Variants in ASZ1 observed in about 807,000 individuals in gnomAD.
The protein encoded by ASZ1 is ankyrin repeat, SAM and basic leucine zipper domain-containing protein 1.
A neutral mutation model predicts 61.8 loss-of-function variants in ASZ1; 67 were observed. That is an observed-to-expected ratio of 1.08 (90% CI 0.89 to 1.33). The LOEUF is 1.33. Ranked by LOEUF, ASZ1 falls within the 40% of genes most tolerant of loss-of-function variation. The pLI is 0.00. For synonymous variants in ASZ1, 193 were observed against 192.7 expected, an observed-to-expected ratio of 1.00 and a Z score of -0.01; for missense variants, 577 against 554.5, an observed-to-expected ratio of 1.04 and a Z score of -0.41.
chr7:117,387,736 C>G lies in ASZ1; in HGVS notation c.441-1927G>C, dbSNP rs183349986. Among the ~76,000 whole-genome samples, 4 of 152,190 alleles carry G rather than the reference C, an allele frequency of 2.6e-5. No homozygotes were observed. In the East Asian group the frequency reaches 7.7e-4, roughly 29 times the overall value. On this transcript the variant is annotated intron_variant, in intron 4 of 12. Transcript: ENST00000284629. ...GCCATAGTCTCATAACTGCTCTCCTCCATGCTTCCATTCTTGGCCACTTAC... is the reference window on the plus strand; with the variant it reads ...GCCATAGTCTCATAACTGCTCTCCTGCATGCTTCCATTCTTGGCCACTTAC...
At chr7:117,368,522 A>G in intron 11 of ASZ1, 90 bp downstream of exon 11, 1 of 1,514,844 alleles carries the variant, frequency 6.6e-7, no homozygotes, top group Non-Finnish European at 8.8e-7. Flanking sequence ...ATTTCAGCAA[A>G]TCAATACTAT....
intron 4 of ASZ1, among the ~76,000 whole-genome samples, chr7:117,408,309 G>A (rs760675014): frequency 6.6e-6 from 1 of 152,082 alleles, no homozygotes; most frequent in Non-Finnish European, 1.5e-5. Flanking sequence ...GGAACCAGTG[G>A]TTAAGACCAA....
At chr7:117,407,168 A>G (rs527430449) in intron 4 of ASZ1, among the ~76,000 whole-genome samples, 1 of 152,266 alleles carries the variant, frequency 6.6e-6, no homozygotes, top group Non-Finnish European at 1.5e-5. Context: ...TACTTTAAAT[A>G]AAAGCACACA....
chr7:117,370,427 T>G (rs769095241), intron 10 of ASZ1, among the ~76,000 whole-genome samples: 4 of 152,026 alleles, frequency 2.6e-5, no homozygotes, highest in African/African-American at 9.7e-5. Context: ...ATGAAAGGGA[T>G]GGATTCAAAG....
chr7:117,382,462 G>T (rs546030258), intron 7 of ASZ1, among the ~76,000 whole-genome samples: 1 of 152,068 alleles, frequency 6.6e-6, no homozygotes, highest in African/African-American at 2.4e-5. Context: ...GGAGGCTGTG[G>T]CGGGAGAACT....
chr7:117,412,175 A>C (rs1337314467), intron 4 of ASZ1, among the ~76,000 whole-genome samples: 1 of 151,484 alleles, frequency 6.6e-6, no homozygotes, highest in East Asian at 1.9e-4. Flanking sequence ...TGGGGCAGAG[A>C]ATTTAAGGAA....
In ASZ1 at chr7:117,368,524, C is replaced by A. The variant is rs975581971; in HGVS notation, c.1161+88G>T. On this transcript the variant is annotated intron_variant, in intron 11 of 12. Coordinates refer to ENST00000284629, the MANE Select transcript of ASZ1 (RefSeq NM_130768.3). ...AACAAACGATGTAATTTCAGCAAAT[C>A]AATACTATTTATTGAATTATCATGA... is the stretch of plus-strand genomic sequence containing the variant. 3.0e-5 allele frequency: 46 copies of A among 1,515,860 alleles called. No individual in the cohort carries two copies. The African/African-American group carries it at 6.2e-4, about 20-fold the overall frequency. The allele number at this position is 1,515,860 out of a possible 1,614,324, so 93.9% of individuals were successfully genotyped here.
intron 10 of ASZ1, among the ~76,000 whole-genome samples, chr7:117,373,649 G>A (rs1442585187): frequency 6.6e-6 from 1 of 152,090 alleles, no homozygotes; most frequent in Non-Finnish European, 1.5e-5. Flanking sequence ...TTCCATAACA[G>A]CATGTAAACA....
At chr7:117,368,558 G>A in intron 11 of ASZ1, 54 bp downstream of exon 11, 1 of 1,580,988 alleles carries the variant, frequency 6.3e-7, no homozygotes, top group African/African-American at 1.4e-5. Flanking sequence ...GAACTTATCT[G>A]GAATGTTCTT....
At chr7:117,422,419 C>T in intron 2 of ASZ1, 60 bp from the exon 3 acceptor site, 1 of 1,564,646 alleles carries the variant, frequency 6.4e-7, no homozygotes. Flanking sequence ...AAATCAGTCA[C>T]CTTATATGCT....
chr7:117,391,159 T>C (rs2116484297), intron 4 of ASZ1, among the ~76,000 whole-genome samples: 1 of 152,204 alleles, frequency 6.6e-6, no homozygotes, highest in East Asian at 1.9e-4. Context: ...TTATGTCCTT[T>C]GCCTACTTTT....
rs1313063167 is a variant in ASZ1 at position 117,416,090 on chromosome 7, G to A, written c.440+4073C>T. Among the ~76,000 whole-genome samples, 5 of 152,176 alleles carry A rather than the reference G, an allele frequency of 3.3e-5. No homozygotes were observed. The East Asian group carries it at 9.6e-4, about 29-fold the overall frequency. On this transcript the variant is annotated intron_variant, in intron 4 of 12. Coordinates refer to ENST00000284629, the MANE Select transcript of ASZ1 (RefSeq NM_130768.3). ...TGTAGGCCTAGCTACTTGGGAGGCTGAGGCAAGAATCACCTGAACCCGGCA... is the reference window on the plus strand; with the variant it reads ...TGTAGGCCTAGCTACTTGGGAGGCTAAGGCAAGAATCACCTGAACCCGGCA...
intron 10 of ASZ1, among the ~76,000 whole-genome samples, chr7:117,375,063 G>T (rs2116456471): frequency 6.6e-6 from 1 of 152,044 alleles, no homozygotes; most frequent in South Asian, 2.1e-4. Context: ...AAAGAAAAAA[G>T]AATTTCATAG....
At chr7:117,373,501 A>C (rs1796085567) in intron 10 of ASZ1, among the ~76,000 whole-genome samples, 1 of 152,342 alleles carries the variant, frequency 6.6e-6, no homozygotes, top group East Asian at 1.9e-4. Flanking sequence ...CTTCAAATAA[A>C]TCAGTAAATT....
At chr7:117,369,135 TG>T (rs1401932186) in intron 10 of ASZ1, among the ~76,000 whole-genome samples, 1 of 152,196 alleles carries the variant, frequency 6.6e-6, no homozygotes, top group Admixed American at 6.6e-5. Context: ...TCAGGGGGAA[TG>T]AATTTAGTAT....
Position 117,363,457 on chromosome 7 carries a change from A to T in ASZ1, c.*139T>A, listed in dbSNP as rs553776622. On this transcript the variant is annotated 3_prime_UTR_variant, in exon 13 of 13. Coordinates refer to ENST00000284629, the MANE Select transcript of ASZ1 (RefSeq NM_130768.3). Reference sequence around the variant, plus strand: ...AAGTAACAAACCACTTTTTAAAAAAAAACTCCACATTGTCAAAATTTTTCC... The same window carrying T: ...AAGTAACAAACCACTTTTTAAAAAATAACTCCACATTGTCAAAATTTTTCC... The T allele has an allele frequency of 1.5e-6, 1 of 666,732 alleles. No homozygotes were observed. The highest frequency in any genetic ancestry group is 6.0e-5 in the South Asian group (1 of 16,614). The allele number at this position is 666,732 out of a possible 1,614,324, so 41.3% of individuals were successfully genotyped here.
At chr7:117,379,168 T>TACAC (rs58457982) in intron 10 of ASZ1, among the ~76,000 whole-genome samples, 2,974 of 68,900 alleles carry the variant, frequency 0.043, 63 homozygotes, top group African/African-American at 0.075. Flanking sequence ...TATATATATA[T>TACAC]ACACACACAC....
At chr7:117,407,646 G>T (rs942993897) in intron 4 of ASZ1, among the ~76,000 whole-genome samples, 1 of 152,142 alleles carries the variant, frequency 6.6e-6, no homozygotes, top group Non-Finnish European at 1.5e-5. Flanking sequence ...ATGTAAATGT[G>T]ATCTTTCTCT....
At chr7:117,390,865 G>C (rs1584728516) in intron 4 of ASZ1, among the ~76,000 whole-genome samples, 1 of 151,958 alleles carries the variant, frequency 6.6e-6, no homozygotes. Context: ...CACTGCACCT[G>C]GCTAATTTTT....
Sources: allele counts gnomAD v4.1 joint callset (sites outside exome capture counted in the v4.1 genomes callset), GRCh38; gene constraint gnomAD v4.1.1; transcripts MANE v1.5; gene names NCBI Gene and HGNC (gene_info 2026-07-23, HGNC 2026-07-21).